Variants in POU6F2 observed in about 807,000 individuals in gnomAD.
POU6F2 encodes the protein POU class 6 homeobox 2.
Under a neutral mutation model 71.3 loss-of-function variants are expected in POU6F2, and 31 were observed. The ratio of observed to expected loss-of-function variants is 0.43; its 90% CI spans 0.33 to 0.59. The LOEUF is 0.59. POU6F2 is among the 20% of genes least tolerant of loss of function. The pLI, the probability that POU6F2 is intolerant of heterozygous loss-of-function variation, is 0.04. For missense variants in POU6F2, 783 were observed against 856.8 expected (o/e 0.91, Z 1.07); for synonymous variants, 347 against 355.7 (o/e 0.98, Z 0.27).
rs562257729 is a variant in POU6F2, at chr7:39,380,584, A to C, written c.973-26016A>C. On this transcript the variant is annotated intron_variant, in intron 5 of 9. Coordinates refer to ENST00000518318, the MANE Select transcript of POU6F2 (RefSeq NM_001370959.1). ...ACTGTAACAAAATAAGGACAACATC[A>C]GTGTGAGAATACTATATTCTAGCAA... 2.6e-5 allele frequency among the ~76,000 whole-genome samples: 4 copies of C among 152,362 alleles called. No individual in the cohort carries two copies. In the South Asian group the frequency reaches 8.3e-4, roughly 32 times the overall value.
intron 5 of POU6F2, among the ~76,000 whole-genome samples, chr7:39,373,104 A>G (rs1201472414): frequency 1.3e-5 from 2 of 152,170 alleles, no homozygotes. Context: ...TTAAAAATGC[A>G]GATTAAAGTG....
intron 2 of POU6F2, among the ~76,000 whole-genome samples, chr7:39,148,228 T>G (rs1389861946): frequency 1.3e-5 from 2 of 152,206 alleles, no homozygotes; most frequent in Non-Finnish European, 2.9e-5. Flanking sequence ...CTTTACAAGT[T>G]CAGGTTGGAC....
At chr7:39,069,289 A>T (rs1209148766) in intron 1 of POU6F2, among the ~76,000 whole-genome samples, 1 of 152,230 alleles carries the variant, frequency 6.6e-6, no homozygotes, top group Non-Finnish European at 1.5e-5. Flanking sequence ...GACTAGGTCA[A>T]AAAGCCCAGA....
chr7:39,118,420 A>G (rs1044451122), intron 2 of POU6F2, among the ~76,000 whole-genome samples: 1 of 152,204 alleles, frequency 6.6e-6, no homozygotes, highest in Admixed American at 6.5e-5. Flanking sequence ...TGGAGAAAAA[A>G]AAATCCCCTC....
Position 39,350,550 on chromosome 7 carries a change from G to A in POU6F2, c.972+10535G>A, listed in dbSNP as rs150073923. 1.4e-4 allele frequency among the ~76,000 whole-genome samples: 22 copies of A among 152,306 alleles called. No homozygotes were observed. The East Asian group carries it at 4.2e-3, about 29-fold the overall frequency. ...CATGGAAGGAATCTGACCAATCTAA[G>A]GCTAAAGCCAAGTGGTCTTTGGGAC... On this transcript the variant is annotated intron_variant, in intron 5 of 9. Transcript: ENST00000518318.
chr7:38,981,288 C>T (rs1410190139), intron 1 of POU6F2, among the ~76,000 whole-genome samples: 1 of 151,982 alleles, frequency 6.6e-6, no homozygotes, highest in Non-Finnish European at 1.5e-5. Context: ...TTTTGCAGAC[C>T]TGAGCTTGTG....
At chr7:39,444,127 T>C (rs560792753) in intron 7 of POU6F2, among the ~76,000 whole-genome samples, 7 of 152,360 alleles carry the variant, frequency 4.6e-5, no homozygotes, top group African/African-American at 1.7e-4. Context: ...ACACTGATGA[T>C]GATTCTTTCC....
intron 2 of POU6F2, among the ~76,000 whole-genome samples, chr7:39,114,977 A>G (rs975652615): frequency 2.0e-5 from 3 of 152,216 alleles, no homozygotes; most frequent in African/African-American, 7.2e-5. Flanking sequence ...ATAGTGGTTT[A>G]GGGAGCTAAA....
chr7:39,016,022 ATT>A lies in POU6F2; in HGVS notation c.105+37965_105+37966del, dbSNP rs1305053797. On this transcript the variant is annotated intron_variant, in intron 1 of 9. Coordinates refer to ENST00000518318, the MANE Select transcript of POU6F2 (RefSeq NM_001370959.1). ...TAGATATATATTATATATTATATAT[ATT>A]ATATATAGATATATATTATATATTA... Among the ~76,000 whole-genome samples the A allele has an allele frequency of 6.0e-4, 34 of 56,714 alleles. 2 individuals are homozygous for A. The highest frequency in any genetic ancestry group is 1.6e-3 in the African/African-American group (26 of 15,838). The allele number at this position is 56,714 out of a possible 152,430, so 37.2% of individuals were successfully genotyped here.
At chr7:39,137,635 A>G (rs1323136395) in intron 2 of POU6F2, among the ~76,000 whole-genome samples, 1 of 152,222 alleles carries the variant, frequency 6.6e-6, no homozygotes, top group Non-Finnish European at 1.5e-5. Context: ...CACAAAAAAG[A>G]CAACATACAG....
At chr7:39,174,306 C>T (rs1793285323) in intron 2 of POU6F2, among the ~76,000 whole-genome samples, 1 of 152,142 alleles carries the variant, frequency 6.6e-6, no homozygotes, top group Non-Finnish European at 1.5e-5. Context: ...ACACCTGGAA[C>T]CTTTTGTTGA....
At chr7:39,432,944 C>T (rs1372967667) in intron 6 of POU6F2, 133 bp from the exon 7 acceptor site, 2 of 777,900 alleles carry the variant, frequency 2.6e-6, no homozygotes, top group African/African-American at 1.7e-5. Flanking sequence ...ACCACACCCC[C>T]CTCCAGAGCT....
chr7:39,204,714 T>A (rs1477431455), intron 3 of POU6F2, among the ~76,000 whole-genome samples: 2 of 152,176 alleles, frequency 1.3e-5, no homozygotes, highest in Non-Finnish European at 2.9e-5. Context: ...AAGATGTGAT[T>A]TAATATAAAA....
At chr7:39,437,792 G>A (rs1457183486) in intron 7 of POU6F2, among the ~76,000 whole-genome samples, 13 of 152,178 alleles carry the variant, frequency 8.5e-5, no homozygotes, top group African/African-American at 2.9e-4. Flanking sequence ...CACTGCCTTA[G>A]CTGTGTCCCA....
intron 2 of POU6F2, among the ~76,000 whole-genome samples, chr7:39,143,019 A>G (rs554307904): frequency 6.6e-6 from 1 of 152,358 alleles, no homozygotes; most frequent in Admixed American, 6.5e-5. Flanking sequence ...ACAGCATGGA[A>G]CAAAACTAGT....
intron 2 of POU6F2, among the ~76,000 whole-genome samples, chr7:39,107,822 T>TC (rs1323277581): frequency 1.3e-5 from 2 of 152,080 alleles, no homozygotes; most frequent in African/African-American, 4.8e-5. Flanking sequence ...AAAGTTCACC[T>TC]CTATTGTGGG....
intron 2 of POU6F2, among the ~76,000 whole-genome samples, chr7:39,129,624 T>TATATATAGATAG (rs923799645): frequency 6.7e-6 from 1 of 149,232 alleles, no homozygotes; most frequent in African/African-American, 2.5e-5. Flanking sequence ...ACAATAGATA[T>TATATATAGATAG]ATAGATAGAT....
chr7:39,261,097 C>T lies in POU6F2; in HGVS notation c.598+53477C>T, dbSNP rs542502011. ...CACACACACACACACACACACCCCACGCCACAGATCTGTCTCCTGCTTCCT... is the reference window on the plus strand; with the variant it reads ...CACACACACACACACACACACCCCATGCCACAGATCTGTCTCCTGCTTCCT... On this transcript the variant is annotated intron_variant, in intron 4 of 9. Transcript: ENST00000518318. 1.3e-4 allele frequency among the ~76,000 whole-genome samples: 20 copies of T among 150,992 alleles called. No individual in the cohort carries two copies. In the East Asian group the frequency reaches 2.7e-3, roughly 21 times the overall value.
chr7:39,265,228 T>G (rs1231293523), intron 4 of POU6F2, among the ~76,000 whole-genome samples: 1 of 152,132 alleles, frequency 6.6e-6, no homozygotes, highest in Non-Finnish European at 1.5e-5. Context: ...GCCTGTGTGA[T>G]CCCCCAGGTC....
Sources: allele counts gnomAD v4.1 joint callset (sites outside exome capture counted in the v4.1 genomes callset), GRCh38; gene constraint gnomAD v4.1.1; transcripts MANE v1.5; gene names NCBI Gene and HGNC (gene_info 2026-07-23, HGNC 2026-07-21).